PSMD9: variants seen among roughly 807,000 people sequenced by gnomAD.
The protein encoded by PSMD9 is 26S proteasome non-ATPase regulatory subunit 9.
In PSMD9, 26 loss-of-function variants were observed where a neutral mutation model predicts 25.9. The observed-to-expected ratio is 1.00, with a 90% CI of 0.73 to 1.39. The LOEUF (loss-of-function observed/expected upper bound fraction) is 1.39. Among genes scored for constraint, PSMD9 ranks in the 40% most tolerant of loss-of-function variants. The pLI is 0.00. For synonymous variants in PSMD9, 110 were observed against 114.5 expected (o/e 0.96, Z 0.25); for missense variants, 303 against 299.3 (o/e 1.01, Z -0.09).
intron 4 of PSMD9, among the ~76,000 whole-genome samples, chr12:121,912,831 A>G (rs532299503): frequency 3.4e-5 from 5 of 147,192 alleles, no homozygotes; most frequent in African/African-American, 1.2e-4. Context: ...TTGCATCACT[A>G]CACTCCAGCC....
intron 4 of PSMD9, among the ~76,000 whole-genome samples, chr12:121,910,234 T>G (rs1357515015): frequency 2.0e-5 from 3 of 151,530 alleles, no homozygotes; most frequent in Admixed American, 6.6e-5. Context: ...TACAGGTGCC[T>G]GCCACCATGC....
rs1879912590 is a variant in PSMD9, at chr12:121,916,636, C to T, written c.*325C>T. 6.7e-6 allele frequency: 2 copies of T among 297,064 alleles called. No homozygotes were observed. The highest frequency in any genetic ancestry group is 8.7e-5 in the Admixed American group (2 of 23,040). The allele number at this position is 297,064 out of a possible 1,614,324, so 18.4% of individuals were successfully genotyped here. A position where few individuals can be genotyped will look rare whatever the true frequency, so the allele number is the denominator to read the frequency against. ...ATTTTTAATAAAGAGTTTTACAGTG[C>T]TGATATGACCCTGTTGTCACCCCAG... is the stretch of plus-strand genomic sequence containing the variant. On this transcript the variant is annotated 3_prime_UTR_variant, in exon 6 of 6. Coordinates refer to ENST00000541212, the MANE Select transcript of PSMD9 (RefSeq NM_002813.7).
At chr12:121,899,410 C>T in intron 2 of PSMD9, 1 of 547,810 alleles carries the variant, frequency 1.8e-6, no homozygotes, top group Non-Finnish European at 3.3e-6. Flanking sequence ...CCAGGCCTCC[C>T]TGCAGTCATC....
At chr12:121,916,086 G>T in intron 5 of PSMD9, 142 bp downstream of exon 5, 1 of 1,172,186 alleles carries the variant, frequency 8.5e-7, no homozygotes, top group South Asian at 1.4e-5. Context: ...AAATCCTCGT[G>T]GTAGGAACGA....
At chr12:121,891,160 G>A (rs1879062725) in intron 1 of PSMD9, among the ~76,000 whole-genome samples, 2 of 150,498 alleles carry the variant, frequency 1.3e-5, no homozygotes, top group African/African-American at 4.9e-5. Flanking sequence ...GTTGGGCGTG[G>A]TGGTGCATGC....
intron 1 of PSMD9, among the ~76,000 whole-genome samples, chr12:121,890,271 A>G (rs745413717): frequency 5.9e-5 from 9 of 152,114 alleles, no homozygotes; most frequent in Admixed American, 2.0e-4. Context: ...GGTGCTGACT[A>G]TATGCTCAAA....
chr12:121,901,666 C>CTTCTTTTTTTTTTT (rs1879401097), intron 3 of PSMD9, among the ~76,000 whole-genome samples: 3 of 93,610 alleles, frequency 3.2e-5, no homozygotes, highest in African/African-American at 1.8e-4. Flanking sequence ...TTCATTCCTT[C>CTTCTTTTTTTTTTT]TTTTTTTTTT....
intron 1 of PSMD9, 93 bp from the exon 2 acceptor site, chr12:121,894,646 T>C: frequency 1.8e-6 from 2 of 1,086,802 alleles, no homozygotes; most frequent in Non-Finnish European, 2.8e-6. Context: ...TACTGTCACC[T>C]TTATTATGAC....
intron 4 of PSMD9, among the ~76,000 whole-genome samples, chr12:121,912,024 T>TATTC (rs1434283760): frequency 6.8e-6 from 1 of 147,022 alleles, no homozygotes; most frequent in Non-Finnish European, 1.5e-5. Flanking sequence ...TTTATTTATT[T>TATTC]ATTTATTTAT....
chr12:121,916,130 G>A (rs1156338179), intron 5 of PSMD9, 154 bp from the exon 6 acceptor site: 2 of 1,192,004 alleles, frequency 1.7e-6, no homozygotes, highest in African/African-American at 3.0e-5. Flanking sequence ...GAGCCCCAGA[G>A]TCTCTCCTGG....
chr12:121,897,389 C>G (rs1170430772), intron 2 of PSMD9: 1 of 152,146 alleles, frequency 6.6e-6, no homozygotes, highest in South Asian at 2.1e-4. Context: ...TCTCCCATCT[C>G]AGCCTCCCAA....
intron 1 of PSMD9, among the ~76,000 whole-genome samples, chr12:121,891,287 T>G: frequency 8.5e-6 from 1 of 118,224 alleles, no homozygotes; most frequent in East Asian, 2.7e-4. Flanking sequence ...CAGAGTGAGA[T>G]GCTGTCTCTT....
intron 4 of PSMD9, among the ~76,000 whole-genome samples, chr12:121,911,510 A>G (rs887344376): frequency 2.6e-5 from 4 of 152,160 alleles, no homozygotes; most frequent in Non-Finnish European, 5.9e-5. Context: ...TTTGTTGTGA[A>G]CAATGCTGCT....
intron 4 of PSMD9, among the ~76,000 whole-genome samples, chr12:121,910,202 C>T (rs1365770890): frequency 6.6e-6 from 1 of 150,836 alleles, no homozygotes; most frequent in Non-Finnish European, 1.5e-5. Flanking sequence ...TCTCCTGCCT[C>T]AGCCTCCCAA....
chr12:121,899,460 C>G, intron 2 of PSMD9, 174 bp from the exon 3 acceptor site: 1 of 628,758 alleles, frequency 1.6e-6, no homozygotes, highest in Non-Finnish European at 2.8e-6. Flanking sequence ...CTGCTCCTTG[C>G]AGGACTGAAT....
At chr12:121,902,876 C>A in intron 3 of PSMD9, 130 bp from the exon 4 acceptor site, 1 of 719,066 alleles carries the variant, frequency 1.4e-6, no homozygotes. Flanking sequence ...TCCCTGACCT[C>A]TTTGTTCTGA....
At chr12:121,892,353 C>T (rs1879108805) in intron 1 of PSMD9, among the ~76,000 whole-genome samples, 1 of 151,778 alleles carries the variant, frequency 6.6e-6, no homozygotes, top group African/African-American at 2.4e-5. Context: ...CACTTGAGGC[C>T]AGGGGTTTGA....
At chr12:121,906,967 A>G (rs999628626) in intron 4 of PSMD9, among the ~76,000 whole-genome samples, 2 of 45,120 alleles carry the variant, frequency 4.4e-5, no homozygotes, top group African/African-American at 2.0e-4. Flanking sequence ...CTCTGTGTCA[A>G]AAAAAAAAAA....
chr12:121,904,259 A>C (rs1436524814), intron 4 of PSMD9, among the ~76,000 whole-genome samples: 1 of 151,878 alleles, frequency 6.6e-6, no homozygotes, highest in East Asian at 1.9e-4. Flanking sequence ...CATTTAAAGA[A>C]ATTCTTTTTT....
Sources: allele counts gnomAD v4.1 joint callset (sites outside exome capture counted in the v4.1 genomes callset), GRCh38; gene constraint gnomAD v4.1.1; transcripts MANE v1.5; gene names NCBI Gene and HGNC (gene_info 2026-07-23, HGNC 2026-07-21).